Variants in PSG6 observed in about 807,000 individuals in gnomAD.
The protein encoded by PSG6 is pregnancy specific beta-1-glycoprotein 6, also known as pregnancy-specific beta-1-glycoprotein 6.
PSG6 carries 51 observed loss-of-function variants against 43.3 expected under a neutral mutation model. The observed-to-expected ratio is 1.18, with a 90% CI of 0.94 to 1.49. The LOEUF is 1.49. Ranked by LOEUF, PSG6 falls within the 40% of genes most tolerant of loss-of-function variation. The pLI, the probability that PSG6 is intolerant of heterozygous loss-of-function variation, is 0.00. For missense variants in PSG6, 770 were observed against 522.2 expected (o/e 1.47, Z -4.62); for synonymous variants, 292 against 197.6 (o/e 1.48, Z -4.01).
In PSG6 at chr19:42,907,078, C is replaced by A; in HGVS notation, c.1084G>T (p.Glu362Ter). Residue 362 changes from glutamate (E) to a stop codon, truncating the protein, a stop_gained, in exon 5 of 6, where the codon GAG (glutamate) becomes TAG (stop). Transcript: ENST00000187910. LOFTEE classifies it high-confidence loss of function. ...SCFADSNPPAEYSWTINGKFQ... is the reference protein window; with the variant it reads ...SCFADSNPPA ...TTCCCATTAATTGTCCAAGAATACT[C>A]TGCCGGTGGGTTAGAGTCCGCAAAG... 6.2e-7 allele frequency: 1 copy of A among 1,612,728 alleles called. No homozygotes were observed. The highest frequency in any genetic ancestry group is 1.1e-5 in the South Asian group (1 of 90,856).
intron 2 of PSG6, among the ~76,000 whole-genome samples, chr19:42,913,354 G>A (rs1392901151): frequency 2.0e-5 from 3 of 151,654 alleles, no homozygotes; most frequent in African/African-American, 7.3e-5. Flanking sequence ...GTTTCACCAT[G>A]TTAGCCAGGA....
At position 42,916,257 on chromosome 19, in the gene PSG6, T is replaced by C. The variant is rs184225267; in HGVS notation, c.295A>G (p.Thr99Ala). 8.1e-6 allele frequency: 13 copies of C among 1,612,228 alleles called. No individual in the cohort carries two copies. In the Admixed American group the frequency reaches 1.7e-4, roughly 21 times the overall value. The change falls in exon 2 of 6, where the codon ACA (threonine) becomes GCA (alanine). Residue 99 changes from threonine to alanine, a missense_variant. Transcript: ENST00000187910. ...AGCAGGGATGCATTGGAATATACTG[T>C]TTCTCGTCCACTGTAGGCAGGCCCA... ...IYGPAYSGRE[T>A]VYSNASLLIQ...
intron 3 of PSG6, 112 bp downstream of exon 3, chr19:42,910,468 T>C (rs1244106713): frequency 1.2e-6 from 2 of 1,610,538 alleles, no homozygotes; most frequent in Non-Finnish European, 1.7e-6. Flanking sequence ...AGCTTTGATG[T>C]TCAGGGATAA....
In PSG6 at chr19:42,902,396, T is replaced by G; in HGVS notation, c.*16A>C. 6.2e-7 allele frequency: 1 copy of G among 1,610,270 alleles called. No homozygotes were observed. The highest frequency in any genetic ancestry group is 8.5e-7 in the Non-Finnish European group (1 of 1,177,800). On this transcript the variant is annotated 3_prime_UTR_variant, in exon 6 of 6. Coordinates refer to ENST00000187910, the MANE Select transcript of PSG6 (RefSeq NM_001031850.4). ...TCAACCTGTTCTTTTTCTCAGTGTC[T>G]CTATTGTGGCAGCCATTAATGAGAC...
At position 42,906,980 on chromosome 19, in the gene PSG6, A is replaced by G. The variant is rs1325312705; in HGVS notation, c.1182T>C (p.Ser394=). Residue 394 remains serine, a synonymous_variant, in exon 5 of 6, where the codon TCT becomes TCC. Transcript: ENST00000187910. ...CCTTGCCAGTGGCTGAGTTACGAAC[A>G]GAGCAAGCATAGAGCCCGCTATGAT... ...TTNHSGLYAC[S]VRNSATGKEI... 4 of 1,612,398 alleles carry G rather than the reference A, an allele frequency of 2.5e-6. No individual in the cohort carries two copies. The highest frequency in any genetic ancestry group is 2.5e-6 in the Non-Finnish European group (3 of 1,179,132).
chr19:42,903,891 C>T (rs1183935873), intron 5 of PSG6, among the ~76,000 whole-genome samples: 10 of 151,346 alleles, frequency 6.6e-5, no homozygotes, highest in African/African-American at 2.2e-4. Flanking sequence ...GAGTGAGAGC[C>T]TGTCTCTCTG....
chr19:42,907,955 T>G, intron 3 of PSG6, 101 bp from the exon 4 acceptor site: 2 of 1,501,720 alleles, frequency 1.3e-6, no homozygotes, highest in Non-Finnish European at 1.8e-6. Context: ...CCCACATGAG[T>G]CCTTGAAAGC....
At chr19:42,916,516 AT>A in intron 1 of PSG6, 29 bp from the exon 2 acceptor site, 1 of 1,593,768 alleles carries the variant, frequency 6.3e-7, no homozygotes. Context: ...ATCAGTTAAT[AT>A]TTGGACCTAT....
chr19:42,904,043 A>C (rs548556622), intron 5 of PSG6, among the ~76,000 whole-genome samples: 1 of 151,970 alleles, frequency 6.6e-6, no homozygotes, highest in Non-Finnish European at 1.5e-5. Context: ...GAAACACACA[A>C]AAATATGAAT....
Position 42,908,359 on chromosome 19 carries a change from G to A in PSG6, c.707-505C>T, listed in dbSNP as rs185810963. ...TGAGCAGCCTGGCCTGGGACTGGAT[G>A]TTTCAGCAGAAATAACACAGGGAAG... On this transcript the variant is annotated intron_variant, in intron 3 of 5. Transcript: ENST00000187910. Among the ~76,000 whole-genome samples, 11 of 151,904 alleles carry A rather than the reference G, an allele frequency of 7.2e-5. 1 individual carries two copies. In the East Asian group the frequency reaches 1.9e-3, roughly 27 times the overall value.
At position 42,902,397 on chromosome 19, in the gene PSG6, C is replaced by T. The variant is rs749118601; in HGVS notation, c.*15G>A. ...CAACCTGTTCTTTTTCTCAGTGTCT[C>T]TATTGTGGCAGCCATTAATGAGACT... On this transcript the variant is annotated 3_prime_UTR_variant, in exon 6 of 6. Coordinates refer to ENST00000187910, the MANE Select transcript of PSG6 (RefSeq NM_001031850.4). 1.6e-5 allele frequency: 25 copies of T among 1,610,178 alleles called. 1 individual carries two copies. The highest frequency in any genetic ancestry group is 3.3e-5 in the Admixed American group (2 of 59,788).
Position 42,910,811 on chromosome 19 carries a change from C to T in PSG6, c.475G>A (p.Glu159Lys). Residue 159 changes from glutamate to lysine, a missense_variant, in exon 3 of 6, where the codon GAG (glutamate) becomes AAG (lysine). Coordinates refer to ENST00000187910, the MANE Select transcript of PSG6 (RefSeq NM_001031850.4). ...ATTAAGCGCACAGCCTCCATGACCT[C>T]CCTGGGGTTTAAGTTGCTGCTGGAG... ...SISSSNLNPREVMEAVRLICD... is the reference protein window; with the variant it reads ...SISSSNLNPRKVMEAVRLICD... 6.2e-7 allele frequency: 1 copy of T among 1,612,090 alleles called. No homozygotes were observed. The highest frequency in any genetic ancestry group is 1.1e-5 in the South Asian group (1 of 90,574).
intron 2 of PSG6, among the ~76,000 whole-genome samples, chr19:42,914,991 A>G (rs1972297977): frequency 6.6e-6 from 1 of 151,616 alleles, no homozygotes; most frequent in South Asian, 2.1e-4. Flanking sequence ...GTACAGACTA[A>G]TCAGCTGACC....
At chr19:42,904,225 C>T (rs1001237818) in intron 5 of PSG6, among the ~76,000 whole-genome samples, 4 of 151,622 alleles carry the variant, frequency 2.6e-5, no homozygotes, top group African/African-American at 9.7e-5. Flanking sequence ...AAAACTTTCC[C>T]TGTATGAGCA....
rs200084592 is a variant in PSG6 at position 42,907,853 on chromosome 19, C to T, written c.708G>A (p.Pro236=). ...RSDPVTLNLL[P]KLPMPYITIN... ...TGGTGATGTAAGGCATGGGCAGCTT[C>T]GCTGTGTGGATAACAGAAGATTGTC... The change falls in exon 4 of 6, where the codon CCG becomes CCA. Residue 236 remains proline, a splice_region_variant and synonymous_variant. Coordinates refer to ENST00000187910, the MANE Select transcript of PSG6 (RefSeq NM_001031850.4). 1.4e-5 allele frequency: 22 copies of T among 1,610,684 alleles called. No individual in the cohort carries two copies. The highest frequency in any genetic ancestry group is 1.7e-5 in the Admixed American group (1 of 59,864).
rs770620226 is a variant in PSG6, at chr19:42,916,154, A to T, written c.398T>A (p.Val133Glu). The stretch of plus-strand genomic sequence containing the variant: ...TAAGGTGACAGTGAAATATCCAGTT[A>T]CTCCTCCAGTCCCATCGCCTCGCTT... Reference protein sequence around the residue: ...IIKRGDGTGGVTGYFTVTLYS... With the variant: ...IIKRGDGTGGETGYFTVTLYS... Residue 133 changes from valine to glutamate, a missense_variant, in exon 2 of 6, where the codon GTA (valine) becomes GAA (glutamate). Coordinates refer to ENST00000187910, the MANE Select transcript of PSG6 (RefSeq NM_001031850.4). 12 of 1,611,032 alleles carry T rather than the reference A, an allele frequency of 7.4e-6. 1 individual carries two copies. In the African/African-American group the frequency reaches 1.5e-4, roughly 20 times the overall value.
At chr19:42,906,226 G>T (rs1972109205) in intron 5 of PSG6, among the ~76,000 whole-genome samples, 1 of 151,520 alleles carries the variant, frequency 6.6e-6, no homozygotes, top group African/African-American at 2.4e-5. Context: ...TCATACAGCT[G>T]GTGACTTCAG....
intron 5 of PSG6, among the ~76,000 whole-genome samples, chr19:42,903,947 T>C (rs1444957933): frequency 6.6e-6 from 1 of 151,456 alleles, no homozygotes; most frequent in Admixed American, 6.6e-5. Context: ...TTACTACCAA[T>C]TCTAATAAAA....
In PSG6 at chr19:42,906,922, C is replaced by A. The variant is rs1858793365; in HGVS notation, c.1240G>T (p.Gly414Cys). 1.2e-6 allele frequency: 2 copies of A among 1,612,254 alleles called. No homozygotes were observed. The highest frequency in any genetic ancestry group is 1.7e-5 in the Admixed American group (1 of 59,868). The change falls in exon 5 of 6, where the codon GGT becomes TGT. Residue 414 changes from glycine to cysteine, a missense_variant and splice_region_variant. Gly to Cys is a radical substitution (Grantham distance 159). Transcript: ENST00000187910. ...GCCAAGGATGCTGGGATCCACTTAC[C>A]AGAGACTTTGACTATCATGGATTTG... The part of the protein sequence containing the change: ...ISKSMIVKVS[G>C]PCHGNQTESH
Sources: gnomAD v4.1 joint callset for allele counts (sites outside exome capture counted in the v4.1 genomes callset) on GRCh38, gnomAD v4.1.1 for gene constraint, MANE v1.5 for transcripts, NCBI Gene and HGNC (gene_info 2026-07-23, HGNC 2026-07-21) for gene names.